EPB41L4A: variants seen among roughly 807,000 people sequenced by gnomAD.
The protein encoded by EPB41L4A is erythrocyte membrane protein band 4.1 like 4A.
EPB41L4A carries 100 observed loss-of-function variants against 108.6 expected under a neutral mutation model. That is an observed-to-expected ratio of 0.92 (90% CI 0.78 to 1.09). The LOEUF is 1.09. Among genes scored for constraint, EPB41L4A ranks in the 50% least tolerant of loss-of-function variants. EPB41L4A has a pLI of 0.00. For synonymous variants in EPB41L4A, 319 were observed against 289.0 expected (o/e 1.10, Z -1.05); for missense variants, 1,030 against 842.7 (o/e 1.22, Z -2.75).
At chr5:112,205,782 C>T (rs1762444612) in intron 13 of EPB41L4A, among the ~76,000 whole-genome samples, 1 of 152,110 alleles carries the variant, frequency 6.6e-6, no homozygotes, top group Non-Finnish European at 1.5e-5. Context: ...TAGAGTCCAC[C>T]TGCAGGAGAG....
At chr5:112,167,123 C>CAAAAAAAAAAAAAAAAAAAA (rs10642511) in intron 22 of EPB41L4A, among the ~76,000 whole-genome samples, 4 of 110,586 alleles carry the variant, frequency 3.6e-5, no homozygotes, top group Non-Finnish European at 5.5e-5. Context: ...AAATTTAAGA[C>CAAAAAAAAAAAAAAAAAAAA]AAAAAAAAAA....
chr5:112,180,705 T>A (rs1228450916), intron 18 of EPB41L4A, among the ~76,000 whole-genome samples: 1 of 143,556 alleles, frequency 7.0e-6, no homozygotes, highest in Non-Finnish European at 1.5e-5. Flanking sequence ...ACTGATACAC[T>A]GGTCTTCATC....
At chr5:112,334,491 A>T (rs1756792595) in intron 1 of EPB41L4A, among the ~76,000 whole-genome samples, 1 of 152,150 alleles carries the variant, frequency 6.6e-6, no homozygotes, top group African/African-American at 2.4e-5. Flanking sequence ...TACAAACCTT[A>T]GTCTCCACAA....
rs750671193 is a variant in EPB41L4A, at chr5:112,205,514, T to TA, written c.1179-11dup. On this transcript the variant is annotated splice_polypyrimidine_tract_variant and intron_variant, in intron 13 of 22. Transcript: ENST00000261486. ...CTTTGCTTTCTTAAAGCTTTAATTT[T>TA]AAAAAAAAGTATGAGAAATAAATTA... is the stretch of plus-strand genomic sequence containing the variant. The TA allele has an allele frequency of 2.2e-4, 350 of 1,556,510 alleles. 2 individuals carry two copies. Among genetic ancestry groups the TA allele is most frequent in the South Asian group, 1.7e-3 (142 of 85,306 alleles).
At chr5:112,154,213 T>A (rs1759571677) in intron 12 of EPB41L4A, among the ~76,000 whole-genome samples, 1 of 152,214 alleles carries the variant, frequency 6.6e-6, no homozygotes, top group Non-Finnish European at 1.5e-5. Flanking sequence ...TTAGAGAGCA[T>A]TCACAACACT....
intron 1 of EPB41L4A, among the ~76,000 whole-genome samples, chr5:112,330,734 T>A (rs1756509208): frequency 6.6e-6 from 1 of 151,998 alleles, no homozygotes; most frequent in African/African-American, 2.4e-5. Flanking sequence ...CAGAGTATTC[T>A]ATTCTATCTT....
At chr5:112,331,483 T>C (rs1185647254) in intron 1 of EPB41L4A, among the ~76,000 whole-genome samples, 1 of 152,216 alleles carries the variant, frequency 6.6e-6, no homozygotes, top group East Asian at 1.9e-4. Context: ...GAGTGTTCCC[T>C]GGGGTATCAG....
chr5:112,266,351 G>C lies in EPB41L4A; in HGVS notation c.336-21C>G, dbSNP rs1451294917. On this transcript the variant is annotated intron_variant, in intron 4 of 22. Transcript: ENST00000261486. ...GATATCTAAAAGAGAAACAAAAAGA[G>C]AGATTAACGATCTCTTACACTACTC... is the stretch of plus-strand genomic sequence containing the variant. The C allele has an allele frequency of 3.3e-6, 5 of 1,534,028 alleles. No homozygotes were observed. The East Asian group carries it at 7.0e-5, about 21-fold the overall frequency.
At chr5:112,419,282 G>T (rs1006355898), upstream of EPB41L4A, 4 of 378,512 alleles carry the variant, frequency 1.1e-5, no homozygotes, top group Non-Finnish European at 1.9e-5. Flanking sequence ...GGAACTGGGC[G>T]CGGAGGGCGG....
rs1754153189 is a variant in EPB41L4A, at chr5:112,298,499, G to T, written c.204+8887C>A. Among the ~76,000 whole-genome samples the T allele has an allele frequency of 2.6e-5, 4 of 152,246 alleles. No homozygotes were observed. In the South Asian group the frequency reaches 8.3e-4, roughly 32 times the overall value. On this transcript the variant is annotated intron_variant, in intron 2 of 22. Coordinates refer to ENST00000261486, the MANE Select transcript of EPB41L4A (RefSeq NM_022140.5). ...TGATGTTTCACATGTATTGACTTGT[G>T]TATGTTAAACCATCCCTGCATTCCT...
chr5:112,248,547 T>C (rs1187876560), intron 9 of EPB41L4A, among the ~76,000 whole-genome samples: 1 of 152,178 alleles, frequency 6.6e-6, no homozygotes, highest in Non-Finnish European at 1.5e-5. Flanking sequence ...TCCAATATCA[T>C]GTGGATATTA....
chr5:112,277,080 A>G lies in EPB41L4A; in HGVS notation c.257-1676T>C, dbSNP rs534879422. Among the ~76,000 whole-genome samples, 129 of 152,306 alleles carry G rather than the reference A, an allele frequency of 8.5e-4. 1 individual carries two copies. Among genetic ancestry groups the G allele is most frequent in the Non-Finnish European group, 1.6e-3 (111 of 68,020 alleles). The stretch of plus-strand genomic sequence containing the variant: ...GTCAGGGAGGCACAGACTATTAAAT[A>G]TTTAGAAGAGCCAGGAAGTCCACCC... On this transcript the variant is annotated intron_variant, in intron 3 of 22. Coordinates refer to ENST00000261486, the MANE Select transcript of EPB41L4A (RefSeq NM_022140.5).
chr5:112,320,184 T>C (rs1197748151), intron 1 of EPB41L4A, among the ~76,000 whole-genome samples: 3 of 152,312 alleles, frequency 2.0e-5, no homozygotes, highest in South Asian at 2.1e-4. Flanking sequence ...TGCATCTTGC[T>C]CTCTTCTTTC....
chr5:112,204,462 C>A lies in EPB41L4A; in HGVS notation c.1289G>T (p.Arg430Leu), dbSNP rs750489592. The A allele has an allele frequency of 6.2e-7, 1 of 1,613,022 alleles. No individual in the cohort carries two copies. ...GTAAGGGAACTTTGGCGACTTAGTG[C>A]GATCACTGGGAGAATTGTAGAGTCC... The part of the protein sequence containing the change: ...QSGLYNSPSD[R>L]TKSPKFPYTR... Residue 430 changes from arginine to leucine, a missense_variant, in exon 15 of 23, where the codon CGC (arginine) becomes CTC (leucine). Arg to Leu is a moderately radical substitution (Grantham distance 102). Coordinates refer to ENST00000261486, the MANE Select transcript of EPB41L4A (RefSeq NM_022140.5).
At chr5:112,317,261 G>A (rs1328220889) in intron 1 of EPB41L4A, among the ~76,000 whole-genome samples, 1 of 152,142 alleles carries the variant, frequency 6.6e-6, no homozygotes, top group East Asian at 1.9e-4. Flanking sequence ...AAGAATGACA[G>A]TAAATCATCT....
At chr5:112,143,262 T>C (rs868278977) in exon 14 of EPB41L4A, 1 of 152,172 alleles carries the variant, frequency 6.6e-6, no homozygotes, top group Non-Finnish European at 1.5e-5. Flanking sequence ...CATACAGTTA[T>C]AGCAAACTGA....
At chr5:112,220,890 T>A (rs1332937182) in intron 12 of EPB41L4A, among the ~76,000 whole-genome samples, 2 of 152,118 alleles carry the variant, frequency 1.3e-5, no homozygotes, top group East Asian at 3.8e-4. Context: ...ACAACCAACC[T>A]TTGCTAAGCC....
intron 1 of EPB41L4A, among the ~76,000 whole-genome samples, chr5:112,374,683 G>A (rs1012662577): frequency 2.6e-5 from 4 of 152,050 alleles, no homozygotes; most frequent in Admixed American, 6.5e-5. Context: ...TACCTGGTTT[G>A]GGTTTTATTT....
Position 112,416,792 on chromosome 5 carries a change from CAT to C in EPB41L4A, c.99+2147_99+2148del, listed in dbSNP as rs1762740432. ...TTTAAAATGTCAAGTATGTACAGAA[CAT>C]AAACATGTTCATCCAATGTTTGAAT... On this transcript the variant is annotated intron_variant, in intron 1 of 22. Transcript: ENST00000261486. Among the ~76,000 whole-genome samples the C allele has an allele frequency of 3.9e-5, 6 of 152,200 alleles. No individual in the cohort carries two copies. In the South Asian group the frequency reaches 1.2e-3, roughly 31 times the overall value.
Sources: allele counts gnomAD v4.1 joint callset (sites outside exome capture counted in the v4.1 genomes callset), GRCh38; gene constraint gnomAD v4.1.1; transcripts MANE v1.5; gene names NCBI Gene and HGNC (gene_info 2026-07-23, HGNC 2026-07-21).